SETD2: variants seen among roughly 807,000 people sequenced by gnomAD.
The protein encoded by SETD2 is histone-lysine N-methyltransferase SETD2.
In SETD2, 31 loss-of-function variants were observed where a neutral mutation model predicts 242.1. The ratio of observed to expected loss-of-function variants is 0.13; its 90% CI spans 0.10 to 0.17. The LOEUF (loss-of-function observed/expected upper bound fraction) is 0.17, where lower values mean the gene tolerates loss of function less well. SETD2 is among the 10% of genes least tolerant of loss of function. The probability of loss-of-function intolerance (pLI) is 1.00; values close to 1 mark genes in which losing one functional copy is unlikely to be tolerated. For missense variants in SETD2, 2,481 were observed against 3,046.3 expected (o/e 0.81, Z 4.37); for synonymous variants, 1,006 against 1,066.5 (o/e 0.94, Z 1.11).
chr3:47,116,803 A>T (rs763869245), intron 3 of SETD2, 49 bp from the exon 4 acceptor site: 1 of 1,326,844 alleles, frequency 7.5e-7, no homozygotes. Context: ...TTCCTGGTAA[A>T]GATATAACAT....
intron 10 of SETD2, among the ~76,000 whole-genome samples, chr3:47,087,010 C>G (rs372686131): frequency 6.6e-6 from 1 of 150,868 alleles, no homozygotes; most frequent in African/African-American, 2.4e-5. Context: ...AACTGCGTTC[C>G]AGCCTGGGCA....
Position 47,160,353 on chromosome 3 carries a change from G to C in SETD2, c.71+3501C>G, listed in dbSNP as rs1197212429. 2.0e-5 allele frequency among the ~76,000 whole-genome samples: 3 copies of C among 151,784 alleles called. 1 individual carries two copies. Among genetic ancestry groups the C allele is most frequent in the Admixed American group, 2.0e-4 (3 of 15,238 alleles). On this transcript the variant is annotated intron_variant, in intron 1 of 20. Transcript: ENST00000409792. ...ATCTCCTTCTGTCCCCCAGGCTGGA[G>C]TGCAGTGGCACAATCTCAGCTCACG...
At chr3:47,078,502 C>T (rs575012644) in intron 12 of SETD2, among the ~76,000 whole-genome samples, 1 of 147,764 alleles carries the variant, frequency 6.8e-6, no homozygotes, top group Non-Finnish European at 1.5e-5. Flanking sequence ...TGTGTGCTCC[C>T]ATATTAGATT....
intron 12 of SETD2, among the ~76,000 whole-genome samples, chr3:47,068,493 CTTTTTTTTTTTT>C (rs573954456): frequency 9.2e-6 from 1 of 108,716 alleles, no homozygotes; most frequent in Admixed American, 1.0e-4. Context: ...AATACACTAT[CTTTTTTTTTTTT>C]TTTTTTTTTG....
chr3:47,156,500 T>C (rs779250851), intron 1 of SETD2, among the ~76,000 whole-genome samples: 4 of 152,134 alleles, frequency 2.6e-5, no homozygotes, highest in Non-Finnish European at 5.9e-5. Flanking sequence ...AAAAGGAGAA[T>C]GGTATGCCTA....
At chr3:47,116,584 G>A (rs2107727488) in intron 4 of SETD2, 39 bp downstream of exon 4, 1 of 1,573,896 alleles carries the variant, frequency 6.4e-7, no homozygotes, top group South Asian at 1.2e-5. Context: ...ACATTTAATA[G>A]AAGTGTTGAG....
intron 1 of SETD2, among the ~76,000 whole-genome samples, chr3:47,132,131 CTTTTTT>C (rs531246872): frequency 2.3e-5 from 3 of 129,594 alleles, no homozygotes; most frequent in African/African-American, 5.9e-5. Context: ...ATACACATAT[CTTTTTT>C]TTTTTTTTTT....
chr3:47,036,784 C>T (rs974565307), intron 18 of SETD2, among the ~76,000 whole-genome samples: 1 of 151,654 alleles, frequency 6.6e-6, no homozygotes, highest in African/African-American at 2.4e-5. Context: ...CATCTGTAGT[C>T]CCAGCTACTC....
chr3:47,023,543 C>T (rs910634873), intron 18 of SETD2, among the ~76,000 whole-genome samples: 12 of 152,178 alleles, frequency 7.9e-5, no homozygotes, highest in Non-Finnish European at 1.5e-4. Context: ...AACCTAAGCT[C>T]TGCAGCACAT....
intron 18 of SETD2, among the ~76,000 whole-genome samples, chr3:47,035,743 C>G (rs2038967879): frequency 2.0e-5 from 3 of 152,196 alleles, no homozygotes; most frequent in Admixed American, 2.0e-4. Flanking sequence ...CAGAACTCAG[C>G]TGTATTGCTG....
At position 47,037,730 on chromosome 3, in the gene SETD2, GCAT is replaced by G. The variant is rs764649149; in HGVS notation, c.7283_7285del (p.Asp2428del). 1 of 1,613,826 alleles carries G rather than the reference GCAT, an allele frequency of 6.2e-7. No individual in the cohort carries two copies. Among genetic ancestry groups the G allele is most frequent in the East Asian group, 2.2e-5 (1 of 44,864 alleles). Reference sequence around the variant, plus strand: ...CATCTCAGCTTCATGCTCAAGGCTGGCATCATCTCCTGGGCTTTCCCAAGTAGG... The same window carrying G: ...CATCTCAGCTTCATGCTCAAGGCTGGCATCTCCTGGGCTTTCCCAAGTAGG... On this transcript the variant is annotated inframe_deletion, in exon 18 of 21. Coordinates refer to ENST00000409792, the MANE Select transcript of SETD2 (RefSeq NM_014159.7).
chr3:47,163,732 C>T, intron 1 of SETD2, 122 bp downstream of exon 1: 1 of 999,110 alleles, frequency 1.0e-6, no homozygotes, highest in Non-Finnish European at 1.3e-6. Context: ...ACCGACCGCG[C>T]GAGGCCACCG....
chr3:47,077,288 G>A (rs543612757), intron 12 of SETD2, among the ~76,000 whole-genome samples: 1 of 152,158 alleles, frequency 6.6e-6, no homozygotes, highest in Non-Finnish European at 1.5e-5. Flanking sequence ...TCACCATGTT[G>A]GCCAGGCTGG....
rs1286336621 is a variant in SETD2, at chr3:47,078,740, G to T, written c.6060+4980C>A. Among the ~76,000 whole-genome samples the T allele has an allele frequency of 3.4e-5, 5 of 148,966 alleles. No homozygotes were observed. The East Asian group carries it at 5.9e-4, about 18-fold the overall frequency. ...AACTTAGTTGTTGTTGTTTTGTTTT[G>T]TTTTTTTTTACACAAAGTCTCACTC... On this transcript the variant is annotated intron_variant, in intron 12 of 20. Transcript: ENST00000409792.
chr3:47,024,519 G>A (rs1006778417), intron 18 of SETD2, among the ~76,000 whole-genome samples: 4 of 151,582 alleles, frequency 2.6e-5, no homozygotes, highest in African/African-American at 9.7e-5. Flanking sequence ...GGGCCTGGTG[G>A]TGCATGCCTG....
rs1312467408 is a variant in SETD2, at chr3:47,110,971, G to A, written c.4715+2905C>T. Among the ~76,000 whole-genome samples the A allele has an allele frequency of 2.7e-5, 4 of 149,464 alleles. No individual in the cohort carries two copies. In the East Asian group the frequency reaches 8.0e-4, roughly 30 times the overall value. Reference sequence around the variant, plus strand: ...GTTGCAAGTAACAGAATTTAGATCAGGTTTGAAGCTATGTGTTTTACTGCA... The same window carrying A: ...GTTGCAAGTAACAGAATTTAGATCAAGTTTGAAGCTATGTGTTTTACTGCA... On this transcript the variant is annotated intron_variant, in intron 5 of 20. Transcript: ENST00000409792.
Position 47,116,652 on chromosome 3 carries a change from A to G in SETD2, c.4557T>C (p.Asp1519=). The G allele has an allele frequency of 6.2e-7, 1 of 1,613,146 alleles. No individual in the cohort carries two copies. The highest frequency in any genetic ancestry group is 8.5e-7 in the Non-Finnish European group (1 of 1,179,524). ...CAATCATGAGAAGACGATTAAGACA[A>G]TCTTCCCCACATGCTATTTCACCTT... ...RAQGEIACGE[D]CLNRLLMIEC... The change falls in exon 4 of 21, where the codon GAT becomes GAC. Residue 1519 remains aspartate (D), a synonymous_variant. Coordinates refer to ENST00000409792, the MANE Select transcript of SETD2 (RefSeq NM_014159.7).
intron 12 of SETD2, among the ~76,000 whole-genome samples, chr3:47,077,930 G>A (rs1161938536): frequency 6.6e-6 from 1 of 152,098 alleles, no homozygotes; most frequent in Non-Finnish European, 1.5e-5. Context: ...ATAATCTATT[G>A]GGTAAAATAA....
intron 15 of SETD2, among the ~76,000 whole-genome samples, chr3:47,048,349 A>AC (rs2039627333): frequency 6.6e-6 from 1 of 152,188 alleles, no homozygotes; most frequent in South Asian, 2.1e-4. Flanking sequence ...AGATGGCACC[A>AC]CTGCACTCCA....
Sources: allele counts gnomAD v4.1 joint callset (sites outside exome capture counted in the v4.1 genomes callset), GRCh38; gene constraint gnomAD v4.1.1; transcripts MANE v1.5; gene names NCBI Gene and HGNC (gene_info 2026-07-23, HGNC 2026-07-21).